Variants in TRPM3 observed in about 807,000 individuals in gnomAD.
TRPM3 encodes transient receptor potential cation channel subfamily M member 3.
TRPM3 carries 77 observed loss-of-function variants against 181.2 expected under a neutral mutation model. That is an observed-to-expected ratio of 0.42 (90% CI 0.35 to 0.51). TRPM3 has a LOEUF of 0.51. TRPM3 is among the 20% of genes least tolerant of loss of function. TRPM3 has a pLI of 0.01. For synonymous variants in TRPM3, 745 were observed against 796.4 expected (o/e 0.94, Z 1.09); for missense variants, 1,759 against 2,196.7 (o/e 0.80, Z 3.98).
chr9:71,331,697 A>AAAAAGGAGGAGG (rs2090132673), intron 1 of TRPM3, among the ~76,000 whole-genome samples: 1 of 101,438 alleles, frequency 9.9e-6, no homozygotes, highest in Non-Finnish European at 2.1e-5. Flanking sequence ...GGAGAAGGAG[A>AAAAAGGAGGAGG]AAAAGGAGGA....
chr9:70,770,382 G>C (rs2079990028), intron 7 of TRPM3, among the ~76,000 whole-genome samples: 1 of 152,208 alleles, frequency 6.6e-6, no homozygotes. Flanking sequence ...CTCAATAGCT[G>C]TTTGGGGATG....
At chr9:70,900,993 C>G (rs1448466684) in intron 1 of TRPM3, among the ~76,000 whole-genome samples, 1 of 152,214 alleles carries the variant, frequency 6.6e-6, no homozygotes, top group African/African-American at 2.4e-5. Context: ...AACTTTTTCT[C>G]TCATTTGTTT....
At chr9:71,276,458 C>CA (rs913869017) in intron 1 of TRPM3, among the ~76,000 whole-genome samples, 8 of 150,830 alleles carry the variant, frequency 5.3e-5, no homozygotes, top group Non-Finnish European at 1.0e-4. Context: ...GTAGCATATA[C>CA]AAAAAAAACT....
intron 8 of TRPM3, among the ~76,000 whole-genome samples, chr9:70,699,776 T>C (rs772279596): frequency 2.6e-5 from 4 of 152,144 alleles, no homozygotes; most frequent in Non-Finnish European, 1.5e-5. Flanking sequence ...TCAGGGAAGC[T>C]GCACCAGGCT....
chr9:71,066,703 T>C (rs1268371295), intron 1 of TRPM3, among the ~76,000 whole-genome samples: 3 of 152,216 alleles, frequency 2.0e-5, no homozygotes, highest in African/African-American at 7.2e-5. Flanking sequence ...CTGAAGGCTG[T>C]TGAATATTAA....
chr9:71,258,933 T>C (rs948182050), intron 1 of TRPM3, among the ~76,000 whole-genome samples: 10 of 152,206 alleles, frequency 6.6e-5, no homozygotes, highest in Non-Finnish European at 1.5e-4. Flanking sequence ...CTGGGATACA[T>C]GTGCAGAACA....
intron 1 of TRPM3, among the ~76,000 whole-genome samples, chr9:70,893,377 G>A (rs1202600024): frequency 6.6e-6 from 1 of 152,006 alleles, no homozygotes; most frequent in Non-Finnish European, 1.5e-5. Context: ...TGCTTTATAG[G>A]GCTCTCATTA....
chr9:70,779,529 T>C (rs1168961927), intron 7 of TRPM3, among the ~76,000 whole-genome samples: 1 of 152,152 alleles, frequency 6.6e-6, no homozygotes, highest in African/African-American at 2.4e-5. Context: ...CTAGACAACA[T>C]TTCTCTGCAG....
intron 8 of TRPM3, among the ~76,000 whole-genome samples, chr9:70,758,116 A>C (rs1235514155): frequency 6.6e-6 from 1 of 152,210 alleles, no homozygotes; most frequent in African/African-American, 2.4e-5. Context: ...TAAGCTGATA[A>C]GCAACTTCAG....
chr9:71,319,667 A>T (rs967647100), intron 1 of TRPM3, among the ~76,000 whole-genome samples: 2 of 152,170 alleles, frequency 1.3e-5, no homozygotes, highest in African/African-American at 2.4e-5. Context: ...AGTCAAGCTG[A>T]CACATAAAAT....
At chr9:70,660,466 C>A (rs1205282577) in intron 9 of TRPM3, among the ~76,000 whole-genome samples, 1 of 152,126 alleles carries the variant, frequency 6.6e-6, no homozygotes, top group Non-Finnish European at 1.5e-5. Context: ...AACCAATTTT[C>A]ATCCTACATA....
chr9:70,753,671 G>C (rs918472913), intron 8 of TRPM3, among the ~76,000 whole-genome samples: 1 of 152,246 alleles, frequency 6.6e-6, no homozygotes, highest in East Asian at 1.9e-4. Context: ...TCTCAGGCTC[G>C]TGAACAGAGA....
intron 1 of TRPM3, among the ~76,000 whole-genome samples, chr9:71,216,831 C>G (rs1168078784): frequency 6.6e-6 from 1 of 150,920 alleles, no homozygotes; most frequent in African/African-American, 2.4e-5. Flanking sequence ...CCTAGGTAAA[C>G]AGCAAATACT....
chr9:71,347,081 T>A (rs1415510375), intron 1 of TRPM3, among the ~76,000 whole-genome samples: 4 of 152,236 alleles, frequency 2.6e-5, no homozygotes, highest in Admixed American at 6.5e-5. Flanking sequence ...GACTATATAT[T>A]CTGCTTTTCA....
intron 6 of TRPM3, among the ~76,000 whole-genome samples, chr9:70,794,470 A>G (rs1274593046): frequency 3.3e-5 from 5 of 152,028 alleles, no homozygotes; most frequent in African/African-American, 1.2e-4. Context: ...GGACCCCAAG[A>G]CTTGCTTGAT....
chr9:70,939,446 A>G (rs2096863574), intron 1 of TRPM3, among the ~76,000 whole-genome samples: 1 of 152,192 alleles, frequency 6.6e-6, no homozygotes, highest in Admixed American at 6.5e-5. Flanking sequence ...TACGGCGAAT[A>G]TTAGTCAGCC....
At chr9:71,374,993 A>G (rs2092628598) in intron 1 of TRPM3, among the ~76,000 whole-genome samples, 1 of 152,208 alleles carries the variant, frequency 6.6e-6, no homozygotes, top group Admixed American at 6.5e-5. Context: ...GGAAGAATCA[A>G]TATAATGGAT....
rs201939332 is a variant in TRPM3 at position 70,784,138 on chromosome 9, A to G, written c.1115T>C (p.Leu372Pro). The G allele has an allele frequency of 6.2e-7, 1 of 1,613,790 alleles. No individual in the cohort carries two copies. ...CDGSGRASDI[L>P]AFGHKYSEEG... ...TTCTGAGTATTTATGCCCAAAGGCC[A>G]GGATGTCCGATGCCCGTCCACTCCC... Residue 372 changes from leucine to proline, a missense_variant, in exon 7 of 26, where the codon CTG (leucine) becomes CCG (proline). Physicochemically the swap from Leu to Pro is moderately conservative, Grantham distance 98 (BLOSUM62 -3). Around this residue, in one of 8 missense-constraint regions of TRPM3, gnomAD observed 737 missense variants for 957.4 expected, o/e 0.77. Coordinates refer to ENST00000677713, the MANE Select transcript of TRPM3 (RefSeq NM_001366145.2).
intron 1 of TRPM3, among the ~76,000 whole-genome samples, chr9:71,138,589 T>C (rs983498050): frequency 6.6e-6 from 1 of 152,190 alleles, no homozygotes; most frequent in Non-Finnish European, 1.5e-5. Context: ...GTCCAATTGT[T>C]GAACTGTACT....
Sources: allele counts gnomAD v4.1 joint callset (sites outside exome capture counted in the v4.1 genomes callset), GRCh38; gene constraint gnomAD v4.1.1; regional missense constraint gnomAD v4.1.1; transcripts MANE v1.5; gene names NCBI Gene and HGNC (gene_info 2026-07-23, HGNC 2026-07-21).